Variants in SLC30A8 observed in about 807,000 individuals in gnomAD.
The protein encoded by SLC30A8 is solute carrier family 30 member 8.
In SLC30A8, 27 loss-of-function variants were observed where a neutral mutation model predicts 36.9. The observed-to-expected ratio is 0.73, with a 90% CI of 0.54 to 1.01. SLC30A8 has a LOEUF of 1.01. Ranked by LOEUF, SLC30A8 falls within the 50% of genes least tolerant of loss-of-function variation. SLC30A8 has a pLI of 0.00. For synonymous variants in SLC30A8, 164 were observed against 172.4 expected, an observed-to-expected ratio of 0.95 and a Z score of 0.38; for missense variants, 439 against 452.0, an observed-to-expected ratio of 0.97 and a Z score of 0.26.
chr8:117,023,167 T>A (rs377544802), intron 1 of SLC30A8, among the ~76,000 whole-genome samples: 1 of 152,172 alleles, frequency 6.6e-6, no homozygotes, highest in Admixed American at 6.5e-5. Flanking sequence ...AAAACCACAA[T>A]GAGATACCAT....
chr8:117,061,766 C>T (rs1010248258), intron 2 of SLC30A8, among the ~76,000 whole-genome samples: 1 of 152,140 alleles, frequency 6.6e-6, no homozygotes, highest in East Asian at 1.9e-4. Flanking sequence ...ATCCGGAAAG[C>T]AGTATCAGCA....
chr8:117,096,140 G>T (rs114700962), intron 2 of SLC30A8, among the ~76,000 whole-genome samples: 4,980 of 152,224 alleles, frequency 0.033, 188 homozygotes, highest in African/African-American at 0.096. Context: ...TAGTCTCTCT[G>T]AGGCACTGAT....
At chr8:117,070,471 A>G (rs1003515176) in intron 2 of SLC30A8, among the ~76,000 whole-genome samples, 1 of 152,228 alleles carries the variant, frequency 6.6e-6, no homozygotes, top group Admixed American at 6.5e-5. Context: ...AGAAGCTGCA[A>G]CATCTCCAGA....
chr8:116,977,320 T>A (rs1815078024), intron 1 of SLC30A8, among the ~76,000 whole-genome samples: 1 of 149,078 alleles, frequency 6.7e-6, no homozygotes, highest in South Asian at 2.1e-4. Context: ...GGCTAATTTT[T>A]TTTTTTGTAT....
At position 117,035,632 on chromosome 8, in the gene SLC30A8, T is replaced by G. The variant is rs965810901; in HGVS notation, c.-265-3587T>G. ...GCAGTGCCCCAGTGAGGACTCTGTG[T>G]GGGGGCTCACACCACACATTTCCCT... On this transcript the variant is annotated intron_variant, in intron 1 of 10. Transcript: ENST00000427715. Among the ~76,000 whole-genome samples the G allele has an allele frequency of 4.6e-5, 7 of 152,346 alleles. No individual in the cohort carries two copies. The South Asian group carries it at 1.4e-3, about 32-fold the overall frequency.
At chr8:117,111,987 C>A (rs562162864) in intron 2 of SLC30A8, among the ~76,000 whole-genome samples, 1 of 152,234 alleles carries the variant, frequency 6.6e-6, no homozygotes, top group East Asian at 1.9e-4. Context: ...CCCAAGTCAT[C>A]TAAGAAGAAG....
intron 2 of SLC30A8, among the ~76,000 whole-genome samples, chr8:117,050,360 G>A (rs1238555625): frequency 1.3e-5 from 2 of 151,916 alleles, no homozygotes; most frequent in East Asian, 1.9e-4. Flanking sequence ...CAAGAGCTTG[G>A]ATTAATGGAA....
intron 1 of SLC30A8, among the ~76,000 whole-genome samples, chr8:117,028,378 T>A (rs981465454): frequency 2.6e-5 from 4 of 152,194 alleles, no homozygotes; most frequent in Non-Finnish European, 5.9e-5. Context: ...TTGAAATGGT[T>A]AAAAACAAAA....
At chr8:117,015,357 C>T (rs1452984434) in intron 1 of SLC30A8, among the ~76,000 whole-genome samples, 1 of 152,088 alleles carries the variant, frequency 6.6e-6, no homozygotes, top group Admixed American at 6.6e-5. Context: ...CAAACACATA[C>T]ACCTGTGCTT....
At chr8:116,987,849 C>A (rs902106180) in intron 1 of SLC30A8, among the ~76,000 whole-genome samples, 21 of 152,154 alleles carry the variant, frequency 1.4e-4, no homozygotes, top group African/African-American at 5.1e-4. Context: ...ATGCGTGCCA[C>A]CACGGCTGGC....
chr8:117,019,341 C>T (rs1816629818), intron 1 of SLC30A8, among the ~76,000 whole-genome samples: 1 of 152,210 alleles, frequency 6.6e-6, no homozygotes, highest in African/African-American at 2.4e-5. Flanking sequence ...TCCTCGTGAT[C>T]ATTCTGTCAC....
At chr8:117,112,136 G>C (rs919599250) in intron 2 of SLC30A8, among the ~76,000 whole-genome samples, 3 of 152,056 alleles carry the variant, frequency 2.0e-5, no homozygotes, top group Non-Finnish European at 4.4e-5. Flanking sequence ...TTAACTACTA[G>C]GAGTTTGTGA....
chr8:117,132,503 T>A (rs1001632397), upstream of SLC30A8, among the ~76,000 whole-genome samples: 2 of 151,976 alleles, frequency 1.3e-5, no homozygotes, highest in African/African-American at 4.8e-5. Flanking sequence ...CAACCTGTAA[T>A]TCGGGATGGT....
chr8:117,109,875 C>G (rs933327276), intron 2 of SLC30A8, among the ~76,000 whole-genome samples: 1 of 152,104 alleles, frequency 6.6e-6, no homozygotes, highest in Non-Finnish European at 1.5e-5. Flanking sequence ...GAGGAATTAC[C>G]ACCCTGGATA....
chr8:117,026,998 G>A (rs1155178), intron 1 of SLC30A8, among the ~76,000 whole-genome samples: 97,790 of 151,820 alleles, frequency 0.64, 32,460 homozygotes, highest in African/African-American at 0.81. Context: ...GTTGTGAGGA[G>A]TAAAAGAGAT....
At chr8:116,961,682 T>A (rs1164698635) in intron 1 of SLC30A8, among the ~76,000 whole-genome samples, 1 of 151,946 alleles carries the variant, frequency 6.6e-6, no homozygotes, top group East Asian at 1.9e-4. Context: ...ATTAAGGCCC[T>A]GGCCTCTGGG....
At chr8:117,093,160 T>G (rs556184079) in intron 2 of SLC30A8, among the ~76,000 whole-genome samples, 1 of 151,826 alleles carries the variant, frequency 6.6e-6, no homozygotes, top group Non-Finnish European at 1.5e-5. Context: ...GGCCATGAGG[T>G]AAGATACTCT....
chr8:117,071,635 A>G (rs1414219948), intron 2 of SLC30A8, among the ~76,000 whole-genome samples: 1 of 152,054 alleles, frequency 6.6e-6, no homozygotes, highest in Non-Finnish European at 1.5e-5. Flanking sequence ...AACCCATGCC[A>G]TGGAGCTTTT....
chr8:117,121,082 A>G (rs925441002), intron 2 of SLC30A8, among the ~76,000 whole-genome samples: 1 of 151,876 alleles, frequency 6.6e-6, no homozygotes, highest in South Asian at 2.1e-4. Context: ...AAATAATAAT[A>G]TGAAGTTTCC....
Sources: allele counts gnomAD v4.1 joint callset (sites outside exome capture counted in the v4.1 genomes callset), GRCh38; gene constraint gnomAD v4.1.1; transcripts MANE v1.5; gene names NCBI Gene and HGNC (gene_info 2026-07-23, HGNC 2026-07-21).